GUCY1A2: variants seen among roughly 807,000 people sequenced by gnomAD.
The protein encoded by GUCY1A2 is guanylate cyclase soluble subunit alpha-2.
A neutral mutation model predicts 63.5 loss-of-function variants in GUCY1A2; 27 were observed. The ratio of observed to expected loss-of-function variants is 0.43; its 90% confidence interval spans 0.31 to 0.59. The LOEUF is 0.59. Among genes scored for constraint, GUCY1A2 ranks in the 20% least tolerant of loss-of-function variants. GUCY1A2 has a pLI of 0.11. For synonymous variants in GUCY1A2, 364 were observed against 343.5 expected (o/e 1.06, Z -0.66); for missense variants, 768 against 913.3 (o/e 0.84, Z 2.05).
At chr11:106,946,050 C>G (rs1400556514) in intron 3 of GUCY1A2, among the ~76,000 whole-genome samples, 1 of 152,090 alleles carries the variant, frequency 6.6e-6, no homozygotes, top group Non-Finnish European at 1.5e-5. Context: ...TGTTCATATT[C>G]TGAAACTAAA....
chr11:106,686,573 A>C lies in GUCY1A2; in HGVS notation c.*976T>G, dbSNP rs1032805228. On this transcript the variant is annotated 3_prime_UTR_variant, in exon 8 of 8. Transcript: ENST00000526355. The stretch of plus-strand genomic sequence containing the variant: ...CTGGGGAAGAGGAAGGGGGTAACTA[A>C]CATGTCATTTAGCTGAATGCTGTTT... 1 of 218,100 alleles carries C rather than the reference A, an allele frequency of 4.6e-6. No individual in the cohort carries two copies. Among genetic ancestry groups the C allele is most frequent in the Non-Finnish European group, 9.2e-6 (1 of 108,516 alleles). 13.5% of individuals were successfully genotyped at this position (218,100 alleles called of 1,614,324 possible).
At chr11:106,890,779 A>C (rs1405125132) in intron 4 of GUCY1A2, among the ~76,000 whole-genome samples, 1 of 152,200 alleles carries the variant, frequency 6.6e-6, no homozygotes, top group Non-Finnish European at 1.5e-5. Context: ...CTTCTATTCA[A>C]GATGACTCTT....
At chr11:106,845,428 C>T (rs1343352316) in intron 4 of GUCY1A2, among the ~76,000 whole-genome samples, 1 of 151,332 alleles carries the variant, frequency 6.6e-6, no homozygotes, top group African/African-American at 2.4e-5. Context: ...GAGACATATC[C>T]AAGGATGAGT....
At chr11:106,771,639 C>T (rs1017650137) in intron 6 of GUCY1A2, among the ~76,000 whole-genome samples, 1 of 151,912 alleles carries the variant, frequency 6.6e-6, no homozygotes, top group Non-Finnish European at 1.5e-5. Flanking sequence ...GTGGTCCCAG[C>T]TACTCCAGAG....
intron 3 of GUCY1A2, among the ~76,000 whole-genome samples, chr11:106,960,246 C>A (rs1350768097): frequency 6.6e-6 from 1 of 151,694 alleles, no homozygotes; most frequent in Non-Finnish European, 1.5e-5. Flanking sequence ...TTTTTTAAAT[C>A]TCAGGTATGG....
intron 6 of GUCY1A2, among the ~76,000 whole-genome samples, chr11:106,751,239 A>G (rs915007023): frequency 3.9e-5 from 6 of 152,132 alleles, no homozygotes; most frequent in African/African-American, 9.6e-5. Context: ...ACTGAATTCT[A>G]TAAGTAGTCC....
chr11:106,766,224 C>T (rs1591267437), intron 6 of GUCY1A2, among the ~76,000 whole-genome samples: 1 of 152,110 alleles, frequency 6.6e-6, no homozygotes, highest in East Asian at 1.9e-4. Context: ...CTCAAAAATT[C>T]AATTGTAGGA....
At position 106,687,517 on chromosome 11, in the gene GUCY1A2, T is replaced by C. The variant is rs376717996; in HGVS notation, c.*32A>G. 479 of 1,538,012 alleles carry C rather than the reference T, an allele frequency of 3.1e-4. No individual in the cohort carries two copies. Among genetic ancestry groups the C allele is most frequent in the Middle Eastern group, 5.1e-4 (3 of 5,836 alleles). ...GGTGACCCATGTTCTGGGCTTGTGCTTTTTGGAGGAGTCTTTGATCTGTAG... is the reference window on the plus strand; with the variant it reads ...GGTGACCCATGTTCTGGGCTTGTGCCTTTTGGAGGAGTCTTTGATCTGTAG... On this transcript the variant is annotated 3_prime_UTR_variant, in exon 8 of 8. Coordinates refer to ENST00000526355, the MANE Select transcript of GUCY1A2 (RefSeq NM_000855.3).
chr11:106,992,604 A>T (rs753223503), intron 1 of GUCY1A2, among the ~76,000 whole-genome samples: 3 of 152,122 alleles, frequency 2.0e-5, no homozygotes, highest in Non-Finnish European at 4.4e-5. Context: ...TGCTGGGATT[A>T]CAGGCATGAG....
chr11:106,853,899 C>A (rs530862363), intron 4 of GUCY1A2, among the ~76,000 whole-genome samples: 2 of 152,156 alleles, frequency 1.3e-5, no homozygotes, highest in Non-Finnish European at 2.9e-5. Context: ...TGTATGATTT[C>A]TTTGGCTGTA....
intron 6 of GUCY1A2, among the ~76,000 whole-genome samples, chr11:106,719,265 T>C (rs997879634): frequency 6.6e-6 from 1 of 152,040 alleles, no homozygotes; most frequent in African/African-American, 2.4e-5. Flanking sequence ...TCTGTCAAAA[T>C]GCAGCTCTTA....
chr11:106,680,659 G>A lies in GUCY1A2; in HGVS notation c.*6890C>T. The stretch of plus-strand genomic sequence containing the variant: ...TTAAGGATCCAGTGATATACAAGAG[G>A]ATAATTGTCAAAGCCTCAGTAAATC... On this transcript the variant is annotated 3_prime_UTR_variant, in exon 8 of 8. Transcript: ENST00000526355. 2 of 200,680 alleles carry A rather than the reference G, an allele frequency of 1.0e-5. No homozygotes were observed. Among genetic ancestry groups the A allele is most frequent in the Non-Finnish European group, 2.1e-5 (2 of 97,324 alleles). 12.4% of individuals were successfully genotyped at this position (200,680 alleles called of 1,614,324 possible).
intron 4 of GUCY1A2, among the ~76,000 whole-genome samples, chr11:106,855,093 T>C (rs968091539): frequency 1.3e-5 from 2 of 152,030 alleles, no homozygotes; most frequent in Non-Finnish European, 2.9e-5. Context: ...GGGAGTTGGG[T>C]TCTCAAAGTG....
chr11:106,971,870 T>G (rs546560588), intron 3 of GUCY1A2, among the ~76,000 whole-genome samples: 3 of 152,182 alleles, frequency 2.0e-5, no homozygotes, highest in South Asian at 4.1e-4. Context: ...TCTAGACAAC[T>G]GGGGCAGAAA....
intron 2 of GUCY1A2, among the ~76,000 whole-genome samples, chr11:106,979,704 G>T (rs1861310229): frequency 6.6e-6 from 1 of 152,092 alleles, no homozygotes; most frequent in Non-Finnish European, 1.5e-5. Flanking sequence ...CTGAATGAGA[G>T]CTAAGACAAA....
chr11:106,827,573 T>C (rs1858988877), intron 4 of GUCY1A2: 1 of 1,447,508 alleles, frequency 6.9e-7, no homozygotes, highest in Admixed American at 1.7e-5. Flanking sequence ...GTTTCTTATA[T>C]ACATGCTGAT....
intron 5 of GUCY1A2, among the ~76,000 whole-genome samples, chr11:106,794,679 A>G (rs1376729555): frequency 6.6e-6 from 1 of 152,140 alleles, no homozygotes; most frequent in Non-Finnish European, 1.5e-5. Flanking sequence ...AAGCTGGATA[A>G]ACACATAAAA....
intron 6 of GUCY1A2, among the ~76,000 whole-genome samples, chr11:106,744,955 T>C (rs572808245): frequency 6.6e-6 from 1 of 152,054 alleles, no homozygotes; most frequent in Non-Finnish European, 1.5e-5. Context: ...TTTTGAATTT[T>C]AAAAAAAATC....
chr11:106,875,305 G>A (rs1859734693), intron 4 of GUCY1A2, among the ~76,000 whole-genome samples: 1 of 152,134 alleles, frequency 6.6e-6, no homozygotes, highest in Non-Finnish European at 1.5e-5. Flanking sequence ...GAGGGACCTT[G>A]AAGAGACTTT....
Sources: gnomAD v4.1 joint callset for allele counts (sites outside exome capture counted in the v4.1 genomes callset) on GRCh38, gnomAD v4.1.1 for gene constraint, MANE v1.5 for transcripts, NCBI Gene and HGNC (gene_info 2026-07-23, HGNC 2026-07-21) for gene names.